The following CELSR1 variants were observed in gnomAD, a reference collection of about 807,000 sequenced individuals.
CELSR1 encodes adhesion G protein-coupled receptor C1.
Under a neutral mutation model 249.1 loss-of-function variants are expected in CELSR1, and 110 were observed. The ratio of observed to expected loss-of-function variants is 0.44; its 90% CI spans 0.38 to 0.52. The LOEUF is 0.52. CELSR1 is among the 20% of genes least tolerant of loss of function. The pLI, the probability that CELSR1 is intolerant of heterozygous loss-of-function variation, is 0.00. For synonymous variants in CELSR1, 2,113 were observed against 1,900.0 expected (o/e 1.11, Z -2.92); for missense variants, 4,109 against 4,296.4 (o/e 0.96, Z 1.22).
chr22:46,481,219 C>T lies in CELSR1; in HGVS notation c.3545-16874G>A, dbSNP rs1216458560. 6 of 289,600 alleles carry T rather than the reference C, an allele frequency of 2.1e-5. No homozygotes were observed. In the South Asian group the frequency reaches 2.4e-4, roughly 11 times the overall value. The allele number at this position is 289,600 out of a possible 1,614,324, so 17.9% of individuals were successfully genotyped here. A position where few individuals can be genotyped will look rare whatever the true frequency, so the allele number is the denominator to read the frequency against. On this transcript the variant is annotated intron_variant, in intron 1 of 34. Transcript: ENST00000674500. ...CACTGCACTCCAGCCTTCCAGCCTG[C>T]GCGAAAGAACAAGACCATGTCTCAA...
At chr22:46,524,270 C>T (rs2080715218) in intron 1 of CELSR1, among the ~76,000 whole-genome samples, 1 of 152,230 alleles carries the variant, frequency 6.6e-6, no homozygotes. Context: ...GTGGGAAGCA[C>T]ACAGACCCAG....
At chr22:46,388,570 G>A (rs938219469) in intron 18 of CELSR1, among the ~76,000 whole-genome samples, 5 of 151,580 alleles carry the variant, frequency 3.3e-5, no homozygotes, top group Admixed American at 6.6e-5. Flanking sequence ...TGAGGGCTCC[G>A]TGGGGATGGG....
chr22:46,399,368 T>C lies in CELSR1; in HGVS notation c.5412+349A>G, dbSNP rs2079186307. ...TGCTCTGAGGGCACGGGCCCCAGCATTGCTACTTCAGTACCCTAAAGACAT... is the reference window on the plus strand; with the variant it reads ...TGCTCTGAGGGCACGGGCCCCAGCACTGCTACTTCAGTACCCTAAAGACAT... On this transcript the variant is annotated intron_variant, in intron 10 of 34. Transcript: ENST00000674500. This position sits in a 1 kb window ranked among gnomAD's most constrained non-coding sequence, Gnocchi z 5.0. Among the ~76,000 whole-genome samples, 2 of 152,206 alleles carry C rather than the reference T, an allele frequency of 1.3e-5. No homozygotes were observed. Among genetic ancestry groups the C allele is most frequent in the South Asian group, 2.1e-4 (1 of 4,832 alleles).
rs1372873042 is a variant in CELSR1, at chr22:46,363,741, T to C, written c.9035+255A>G. ...GCCCAGCACCTTAGGTCCTAGCATT[T>C]TGGGGCTGGCCAGGGCTTCAGAGTC... On this transcript the variant is annotated intron_variant, in intron 34 of 34. Coordinates refer to ENST00000674500, the MANE Select transcript of CELSR1 (RefSeq NM_001378328.1). This position sits in a 1 kb window ranked among gnomAD's most constrained non-coding sequence, Gnocchi z 4.3. 4 of 538,288 alleles carry C rather than the reference T, an allele frequency of 7.4e-6. No individual in the cohort carries two copies. Among genetic ancestry groups the C allele is most frequent in the Non-Finnish European group, 9.7e-6 (3 of 309,852 alleles). 33.3% of individuals were successfully genotyped at this position (538,288 alleles called of 1,614,324 possible).
At position 46,512,344 on chromosome 22, in the gene CELSR1, G is replaced by A. The variant is rs1191374638; in HGVS notation, c.3544+21283C>T. Among the ~76,000 whole-genome samples, 1 of 152,232 alleles carries A rather than the reference G, an allele frequency of 6.6e-6. No individual in the cohort carries two copies. The highest frequency in any genetic ancestry group is 1.5e-5 in the Non-Finnish European group (1 of 68,042). On this transcript the variant is annotated intron_variant, in intron 1 of 34. Coordinates refer to ENST00000674500, the MANE Select transcript of CELSR1 (RefSeq NM_001378328.1). The surrounding 1 kb of genome is among the most constrained non-coding windows in gnomAD (Gnocchi z 5.2). ...CCAGCACTTTGGGAGGCCAAGGCAGGCGGATCACATGAGGTCAGGAGATCG... is the reference window on the plus strand; with the variant it reads ...CCAGCACTTTGGGAGGCCAAGGCAGACGGATCACATGAGGTCAGGAGATCG...
intron 12 of CELSR1, among the ~76,000 whole-genome samples, chr22:46,397,300 T>G (rs1420430237): frequency 7.6e-6 from 1 of 132,436 alleles, no homozygotes; most frequent in Non-Finnish European, 1.6e-5. Context: ...TTTTTTTTTT[T>G]TCGTAGAGAT....
intron 5 of CELSR1, among the ~76,000 whole-genome samples, chr22:46,419,157 C>G (rs760656326): frequency 3.3e-5 from 5 of 152,164 alleles, no homozygotes; most frequent in Non-Finnish European, 7.3e-5. Flanking sequence ...GCTCAGCCAT[C>G]GGGACCAGGT....
rs1441862670 is a variant in CELSR1 at position 46,448,664 on chromosome 22, T to C, written c.4184-9253A>G. ...GGCTTAGTTTATGCAGAATTAACGA[T>C]CAAAATGAAACACAAGAACAGAGAA... On this transcript the variant is annotated intron_variant, in intron 2 of 34. Coordinates refer to ENST00000674500, the MANE Select transcript of CELSR1 (RefSeq NM_001378328.1). This position sits in a 1 kb window ranked among gnomAD's most constrained non-coding sequence, Gnocchi z 5.7. The C allele has an allele frequency of 5.6e-6, 2 of 355,800 alleles. No homozygotes were observed. Among genetic ancestry groups the C allele is most frequent in the East Asian group, 8.6e-5 (1 of 11,568 alleles). 22.0% of individuals were successfully genotyped at this position (355,800 alleles called of 1,614,324 possible). A position where few individuals can be genotyped will look rare whatever the true frequency, so the allele number is the denominator to read the frequency against.
At chr22:46,420,244 CCA>C (rs763668666) in intron 5 of CELSR1, among the ~76,000 whole-genome samples, 75 of 151,498 alleles carry the variant, frequency 5.0e-4, no homozygotes, top group African/African-American at 6.8e-4. Flanking sequence ...ATATGCTCAC[CCA>C]CACTCAAATG....
Position 46,473,368 on chromosome 22 carries a change from G to T in CELSR1, c.3545-9023C>A, listed in dbSNP as rs943457099. Among the ~76,000 whole-genome samples, 2 of 152,158 alleles carry T rather than the reference G, an allele frequency of 1.3e-5. No homozygotes were observed. Among genetic ancestry groups the T allele is most frequent in the African/African-American group, 4.8e-5 (2 of 41,434 alleles). On this transcript the variant is annotated intron_variant, in intron 1 of 34. Coordinates refer to ENST00000674500, the MANE Select transcript of CELSR1 (RefSeq NM_001378328.1). The surrounding 1 kb of genome is among the most constrained non-coding windows in gnomAD (Gnocchi z 6.6). ...AGGACCCTAGTCCTGGCATGGGAGG[G>T]TCTGCTGAGGACATGGAGGAGGAAA...
At chr22:46,372,597 C>T (rs1419159191) in intron 25 of CELSR1, among the ~76,000 whole-genome samples, 2 of 151,938 alleles carry the variant, frequency 1.3e-5, no homozygotes, top group African/African-American at 4.8e-5. Context: ...TCCATCCCTC[C>T]CATGTGTAGA....
rs75983687 is a variant in CELSR1 at position 46,367,091 on chromosome 22, C to A, written c.8107G>T (p.Val2703Leu). 3.7e-6 allele frequency: 6 copies of A among 1,611,418 alleles called. No individual in the cohort carries two copies. Among genetic ancestry groups the A allele is most frequent in the African/African-American group, 1.3e-5 (1 of 74,874 alleles). ...TGCTTCCGGACCTCCTGGTTGAGCA[C>A]GCAGTGGAAAAGGAGGACGAAGGGG... ...QGPFVLLFHC[V>L]LNQEVRKHLK... The change falls in exon 29 of 35, where the codon GTG becomes TTG. Residue 2703 changes from valine to leucine, a missense_variant. By Grantham distance (32) the Val-to-Leu change is conservative. This residue lies in a region of CELSR1 where 1,805 missense variants were observed against 1,831.6 expected (regional missense o/e 0.99). Coordinates refer to ENST00000674500, the MANE Select transcript of CELSR1 (RefSeq NM_001378328.1).
At position 46,527,746 on chromosome 22, in the gene CELSR1, T is replaced by C. The variant is rs1396565772; in HGVS notation, c.3544+5881A>G. ...ACTCATTGCCAAAAGCACTGAACTC[T>C]CCTGGGAAGGTTTGACACTGGCAGA... is the stretch of plus-strand genomic sequence containing the variant. On this transcript the variant is annotated intron_variant, in intron 1 of 34. Coordinates refer to ENST00000674500, the MANE Select transcript of CELSR1 (RefSeq NM_001378328.1). The surrounding 1 kb of genome is among the most constrained non-coding windows in gnomAD (Gnocchi z 5.5). 6.6e-6 allele frequency among the ~76,000 whole-genome samples: 1 copy of C among 152,216 alleles called. No individual in the cohort carries two copies. The highest frequency in any genetic ancestry group is 1.5e-5 in the Non-Finnish European group (1 of 68,040).
chr22:46,518,753 T>C lies in CELSR1; in HGVS notation c.3544+14874A>G, dbSNP rs1438009686. On this transcript the variant is annotated intron_variant, in intron 1 of 34. Coordinates refer to ENST00000674500, the MANE Select transcript of CELSR1 (RefSeq NM_001378328.1). The surrounding 1 kb of genome is among the most constrained non-coding windows in gnomAD (Gnocchi z 5.2). ...TTCTCTCTTATAAAGACTCCAGTTGTGGCTGGGCGCGGTGGCTCGCCTGTA... is the reference window on the plus strand; with the variant it reads ...TTCTCTCTTATAAAGACTCCAGTTGCGGCTGGGCGCGGTGGCTCGCCTGTA... Among the ~76,000 whole-genome samples the C allele has an allele frequency of 1.3e-5, 2 of 152,068 alleles. No homozygotes were observed. The highest frequency in any genetic ancestry group is 1.5e-5 in the Non-Finnish European group (1 of 67,992).
rs1377064713 is a variant in CELSR1, at chr22:46,396,865, G to T, written c.5702-119C>A. ...GACTTTCCCTGGTACTCAGCAGAGG[G>T]AAGAGGAAGAGTGCCACAGAGTCCC... On this transcript the variant is annotated intron_variant, in intron 12 of 34. Transcript: ENST00000674500. The surrounding 1 kb of genome is among the most constrained non-coding windows in gnomAD (Gnocchi z 6.4). The T allele has an allele frequency of 7.5e-7, 1 of 1,339,140 alleles. No individual in the cohort carries two copies. The allele number at this position is 1,339,140 out of a possible 1,614,324, so 83.0% of individuals were successfully genotyped here.
chr22:46,370,116 G>T (rs1352883046), intron 25 of CELSR1: 1 of 494,614 alleles, frequency 2.0e-6, no homozygotes, highest in Non-Finnish European at 4.0e-6. Flanking sequence ...GTGCAGGAGG[G>T]ATCGTGAAGG....
At chr22:46,461,248 C>A (rs1168498240) in intron 2 of CELSR1, among the ~76,000 whole-genome samples, 1 of 152,154 alleles carries the variant, frequency 6.6e-6, no homozygotes, top group African/African-American at 2.4e-5. Flanking sequence ...TTTTGGTACC[C>A]AAAGAGATTC....
intron 2 of CELSR1, among the ~76,000 whole-genome samples, chr22:46,460,211 A>ACGCCCACACCCACACC: frequency 1.3e-5 from 2 of 148,976 alleles, no homozygotes; most frequent in Admixed American, 1.3e-4. Flanking sequence ...ACACACACAC[A>ACGCCCACACCCACACC]CACACCCATT....
At chr22:46,384,042 C>A (rs188946714) in intron 20 of CELSR1, among the ~76,000 whole-genome samples, 1 of 152,004 alleles carries the variant, frequency 6.6e-6, no homozygotes. Context: ...TCAAGCAATT[C>A]TCATGCCTCA....
Sources: allele counts gnomAD v4.1 joint callset (sites outside exome capture counted in the v4.1 genomes callset), GRCh38; gene constraint gnomAD v4.1.1; regional missense constraint gnomAD v4.1.1; non-coding constraint Gnocchi (gnomAD v3.1); transcripts MANE v1.5; gene names NCBI Gene and HGNC (gene_info 2026-07-23, HGNC 2026-07-21).